Variants in ATF7 observed in about 807,000 individuals in gnomAD.
ATF7 encodes the protein activating transcription factor 7.
In ATF7, 10 loss-of-function variants were observed where a neutral mutation model predicts 50.4. The observed-to-expected ratio is 0.20, with a 90% CI of 0.12 to 0.34. The LOEUF (loss-of-function observed/expected upper bound fraction) is 0.34. Among genes scored for constraint, ATF7 ranks in the 10% least tolerant of loss-of-function variants. The probability of loss-of-function intolerance (pLI) is 1.00; values close to 1 mark genes in which losing one functional copy is unlikely to be tolerated. For synonymous variants in ATF7, 201 were observed against 226.4 expected (o/e 0.89, Z 1.01); for missense variants, 465 against 613.9 (o/e 0.76, Z 2.56).
At chr12:53,538,196 T>C (rs2137410840) in intron 4 of ATF7, among the ~76,000 whole-genome samples, 1 of 152,298 alleles carries the variant, frequency 6.6e-6, no homozygotes, top group East Asian at 1.9e-4. Context: ...ATTATGATAA[T>C]ATTTTTCAGG....
At chr12:53,601,668 C>T (rs1322269498) in intron 1 of ATF7, among the ~76,000 whole-genome samples, 1 of 152,206 alleles carries the variant, frequency 6.6e-6, no homozygotes, top group East Asian at 1.9e-4. Flanking sequence ...GCCCTTCCCC[C>T]TTCTGATTCT....
chr12:53,624,096 G>A (rs1324695069), intron 1 of ATF7, among the ~76,000 whole-genome samples: 3 of 152,142 alleles, frequency 2.0e-5, no homozygotes, highest in Non-Finnish European at 4.4e-5. Flanking sequence ...ACCAATTCTA[G>A]GGCAGAAGAC....
chr12:53,605,389 C>CAAA (rs11433998), intron 1 of ATF7, among the ~76,000 whole-genome samples: 49 of 101,602 alleles, frequency 4.8e-4, no homozygotes, highest in South Asian at 7.2e-4. Context: ...AATTCTGTCT[C>CAAA]AAAAAAAAAA....
chr12:53,559,375 G>A (rs991963152), intron 2 of ATF7, among the ~76,000 whole-genome samples: 14 of 150,676 alleles, frequency 9.3e-5, no homozygotes, highest in Admixed American at 9.3e-4. Flanking sequence ...CTTTAAGACT[G>A]AGGTATAAAA....
chr12:53,555,761 T>A (rs1383968209), intron 2 of ATF7, among the ~76,000 whole-genome samples: 3 of 150,078 alleles, frequency 2.0e-5, no homozygotes, highest in Non-Finnish European at 4.4e-5. Flanking sequence ...CCGCCTGCCT[T>A]GACCTCCCAA....
At chr12:53,574,910 A>G in intron 2 of ATF7, 1 of 310,320 alleles carries the variant, frequency 3.2e-6, no homozygotes, top group Non-Finnish European at 6.2e-6. Context: ...GCAAGACTTT[A>G]GTCAGAAAAT....
Position 53,518,646 on chromosome 12 carries a change from C to T in ATF7, c.1235-1292G>A, listed in dbSNP as rs898219872. ...CAAGTCAAGGAGTTTTATTAAACATCGGATAGCCTCTATGGCTGCTTAAAC... is the reference window on the plus strand; with the variant it reads ...CAAGTCAAGGAGTTTTATTAAACATTGGATAGCCTCTATGGCTGCTTAAAC... On this transcript the variant is annotated intron_variant, in intron 11 of 11. Coordinates refer to ENST00000420353, the MANE Select transcript of ATF7 (RefSeq NM_006856.3). 2.6e-5 allele frequency among the ~76,000 whole-genome samples: 4 copies of T among 152,150 alleles called. No individual in the cohort carries two copies. The East Asian group carries it at 7.7e-4, about 29-fold the overall frequency.
At position 53,609,742 on chromosome 12, in the gene ATF7, G is replaced by C. The variant is rs543953650; in HGVS notation, c.-21-8721C>G. On this transcript the variant is annotated intron_variant, in intron 1 of 11. Transcript: ENST00000420353. The stretch of plus-strand genomic sequence containing the variant: ...ATATTATCTCAATACTAAATCAAAT[G>C]TCCCAAAAGGATATGCTGAAAGCAT... Among the ~76,000 whole-genome samples the C allele has an allele frequency of 5.3e-3, 802 of 150,416 alleles. 5 individuals carry two copies. The highest frequency in any genetic ancestry group is 9.3e-3 in the Non-Finnish European group (628 of 67,780).
At chr12:53,570,021 G>A (rs1941662570) in intron 2 of ATF7, among the ~76,000 whole-genome samples, 1 of 152,106 alleles carries the variant, frequency 6.6e-6, no homozygotes, top group Non-Finnish European at 1.5e-5. Context: ...GGCTTATGAA[G>A]GTCTGATTGA....
rs757744903 is a variant in ATF7, at chr12:53,534,028, G to A, written c.560+474C>T. On this transcript the variant is annotated intron_variant, in intron 6 of 11. Coordinates refer to ENST00000420353, the MANE Select transcript of ATF7 (RefSeq NM_006856.3). ...CACGGTGGCTCACGCCTGTAATCCC[G>A]GCACTTTGGGAGGCAGAGGCAGGCG... Among the ~76,000 whole-genome samples the A allele has an allele frequency of 6.9e-4, 105 of 152,282 alleles. 1 individual carries two copies. The highest frequency in any genetic ancestry group is 1.1e-3 in the Non-Finnish European group (76 of 68,002).
chr12:53,618,703 T>TTC, intron 1 of ATF7, among the ~76,000 whole-genome samples: 1 of 102,506 alleles, frequency 9.8e-6, no homozygotes, highest in South Asian at 4.2e-4. Flanking sequence ...TAAATGGCAA[T>TTC]TGTGTGTGTG....
intron 1 of ATF7, among the ~76,000 whole-genome samples, chr12:53,621,294 T>G (rs889520852): frequency 1.3e-5 from 2 of 152,186 alleles, no homozygotes; most frequent in African/African-American, 4.8e-5. Context: ...TCTACTCATG[T>G]TGTATAGCAT....
chr12:53,601,667 C>T (rs891100479), intron 1 of ATF7, among the ~76,000 whole-genome samples: 3 of 152,188 alleles, frequency 2.0e-5, no homozygotes, highest in Non-Finnish European at 2.9e-5. Flanking sequence ...TGCCCTTCCC[C>T]CTTCTGATTC....
chr12:53,529,704 T>TACACACACAC (rs1310811632), intron 9 of ATF7, among the ~76,000 whole-genome samples: 15 of 73,374 alleles, frequency 2.0e-4, no homozygotes, highest in Non-Finnish European at 3.9e-4. Context: ...CATATATATA[T>TACACACACAC]ACACATACAC....
intron 2 of ATF7, among the ~76,000 whole-genome samples, chr12:53,558,183 C>A (rs928123438): frequency 1.3e-5 from 2 of 152,196 alleles, no homozygotes; most frequent in Non-Finnish European, 2.9e-5. Context: ...CCAGAGGTAA[C>A]TCTGTCCCCC....
downstream of ATF7, among the ~76,000 whole-genome samples, chr12:53,508,700 T>G (rs572172806): frequency 1.3e-5 from 2 of 152,142 alleles, no homozygotes; most frequent in African/African-American, 4.8e-5. Context: ...GCCCTTCCTA[T>G]AGTCACTCTC....
intron 2 of ATF7, among the ~76,000 whole-genome samples, chr12:53,570,583 A>G (rs1288453891): frequency 6.6e-6 from 1 of 152,174 alleles, no homozygotes; most frequent in Non-Finnish European, 1.5e-5. Flanking sequence ...TCAGTTCTGG[A>G]GGCCAGAGGT....
At chr12:53,531,645 G>C (rs1938897672) in intron 9 of ATF7, 99 bp downstream of exon 9, 3 of 1,317,022 alleles carry the variant, frequency 2.3e-6, no homozygotes, top group Non-Finnish European at 2.0e-6. Context: ...AACCCAGAAA[G>C]CTGAAGTCCA....
intron 9 of ATF7, among the ~76,000 whole-genome samples, chr12:53,530,752 C>T (rs181125252): frequency 3.0e-4 from 45 of 151,988 alleles, no homozygotes; most frequent in African/African-American, 9.9e-4. Flanking sequence ...GGATTACAGG[C>T]GCACATCACC....
Sources: allele counts gnomAD v4.1 joint callset (sites outside exome capture counted in the v4.1 genomes callset), GRCh38; gene constraint gnomAD v4.1.1; transcripts MANE v1.5; gene names NCBI Gene and HGNC (gene_info 2026-07-23, HGNC 2026-07-21).